Variants in PRKG1 observed in about 807,000 individuals in gnomAD.
PRKG1 encodes the protein protein kinase cGMP-dependent 1.
PRKG1 carries 35 observed loss-of-function variants against 88.1 expected under a neutral mutation model. The observed-to-expected ratio is 0.40, with a 90% CI of 0.30 to 0.53. The LOEUF (loss-of-function observed/expected upper bound fraction) is 0.53. Among genes scored for constraint, PRKG1 ranks in the 20% least tolerant of loss-of-function variants. The pLI is 0.59. For synonymous variants in PRKG1, 303 were observed against 292.5 expected (o/e 1.04, Z -0.37); for missense variants, 540 against 839.8 (o/e 0.64, Z 4.41).
At chr10:51,098,019 T>G (rs138688419) in intron 1 of PRKG1, among the ~76,000 whole-genome samples, 5 of 152,256 alleles carry the variant, frequency 3.3e-5, no homozygotes, top group African/African-American at 7.2e-5. Context: ...CTCTGACTTG[T>G]GTTGAAGTTC....
intron 7 of PRKG1, among the ~76,000 whole-genome samples, chr10:52,113,334 CT>C (rs1847609984): frequency 6.6e-6 from 1 of 151,680 alleles, no homozygotes; most frequent in African/African-American, 2.4e-5. Flanking sequence ...TTTAATATGG[CT>C]TCTTACATAT....
intron 2 of PRKG1, among the ~76,000 whole-genome samples, chr10:51,378,768 GA>G (rs1055577629): frequency 3.3e-5 from 5 of 149,350 alleles, no homozygotes; most frequent in Admixed American, 6.7e-5. Flanking sequence ...TTTCTCATCT[GA>G]AAAAAAAATG....
At chr10:51,130,873 C>G (rs918451371) in intron 1 of PRKG1, among the ~76,000 whole-genome samples, 6 of 152,062 alleles carry the variant, frequency 3.9e-5, no homozygotes, top group African/African-American at 1.4e-4. Flanking sequence ...AGCGCCACTG[C>G]ACTCCAGCCT....
chr10:51,781,230 C>CA (rs1276322974), intron 3 of PRKG1, among the ~76,000 whole-genome samples: 1 of 152,002 alleles, frequency 6.6e-6, no homozygotes, highest in African/African-American at 2.4e-5. Flanking sequence ...AAAGCAAAAA[C>CA]AAAAAACAGA....
rs560968160 is a variant in PRKG1 at position 52,034,072 on chromosome 10, G to A, written c.763-20412G>A. ...ACTGGCCATTTACACTTCTTTTGTG[G>A]TGGAATGTCATCAGTTAAGGTGGGG... On this transcript the variant is annotated intron_variant, in intron 5 of 17. Coordinates refer to ENST00000373980, the MANE Select transcript of PRKG1 (RefSeq NM_006258.4). 2.5e-3 allele frequency among the ~76,000 whole-genome samples: 379 copies of A among 151,862 alleles called. 1 individual carries two copies. Among genetic ancestry groups the A allele is most frequent in the Middle Eastern group, 6.8e-3 (2 of 294 alleles).
chr10:51,059,082 T>C (rs924298532), intron 1 of PRKG1, among the ~76,000 whole-genome samples: 2 of 152,220 alleles, frequency 1.3e-5, no homozygotes, highest in African/African-American at 4.8e-5. Flanking sequence ...TAACATAAAA[T>C]TTCTGTATGC....
intron 3 of PRKG1, among the ~76,000 whole-genome samples, chr10:51,508,510 T>C (rs1841294106): frequency 6.6e-6 from 1 of 152,234 alleles, no homozygotes; most frequent in Middle Eastern, 3.4e-3. Context: ...TGCCTTGAAA[T>C]ATTTTTTAAA....
intron 4 of PRKG1, among the ~76,000 whole-genome samples, chr10:51,831,514 A>G (rs1456659973): frequency 6.6e-6 from 1 of 152,200 alleles, no homozygotes; most frequent in Non-Finnish European, 1.5e-5. Context: ...CAAAAGCAAG[A>G]AAGAATAAAA....
At chr10:51,699,067 C>A in intron 3 of PRKG1, 1 of 1,614,236 alleles carries the variant, frequency 6.2e-7, no homozygotes, top group East Asian at 2.2e-5. Flanking sequence ...TTTGAAGTAA[C>A]ATGTTTCGAG....
chr10:51,913,173 C>T (rs1193401721), intron 5 of PRKG1, among the ~76,000 whole-genome samples: 1 of 152,166 alleles, frequency 6.6e-6, no homozygotes, highest in Non-Finnish European at 1.5e-5. Context: ...AGGTGATCCG[C>T]CCGCCTTGGC....
intron 3 of PRKG1, among the ~76,000 whole-genome samples, chr10:51,551,152 A>T (rs1837119899): frequency 6.6e-6 from 1 of 151,874 alleles, no homozygotes; most frequent in Non-Finnish European, 1.5e-5. Flanking sequence ...CATAATGGGT[A>T]TTTAACTTGC....
chr10:51,273,802 A>C (rs982414359), intron 2 of PRKG1, among the ~76,000 whole-genome samples: 1 of 152,206 alleles, frequency 6.6e-6, no homozygotes, highest in Admixed American at 6.5e-5. Flanking sequence ...CATACACCAC[A>C]GTTCCCCATC....
At chr10:52,065,209 T>C (rs1241496724) in intron 7 of PRKG1, among the ~76,000 whole-genome samples, 2 of 152,174 alleles carry the variant, frequency 1.3e-5, no homozygotes, top group Non-Finnish European at 2.9e-5. Flanking sequence ...ATCTCAGTTA[T>C]CATTAAATAT....
chr10:51,636,720 C>T (rs1337462360), intron 3 of PRKG1, among the ~76,000 whole-genome samples: 1 of 152,148 alleles, frequency 6.6e-6, no homozygotes, highest in African/African-American at 2.4e-5. Flanking sequence ...ACGTAAAGAT[C>T]TATTTGGCTC....
intron 14 of PRKG1, among the ~76,000 whole-genome samples, chr10:52,286,267 T>C (rs1441739984): frequency 6.6e-6 from 1 of 152,036 alleles, no homozygotes; most frequent in Admixed American, 6.6e-5. Context: ...GCATCTTTAA[T>C]GCCAAAAGAT....
chr10:51,392,464 A>T (rs531297743), intron 2 of PRKG1, among the ~76,000 whole-genome samples: 1 of 152,348 alleles, frequency 6.6e-6, no homozygotes, highest in Admixed American at 6.5e-5. Context: ...TCACAGATCC[A>T]CAGGATCCCA....
intron 3 of PRKG1, among the ~76,000 whole-genome samples, chr10:51,652,407 A>C (rs965836340): frequency 6.6e-6 from 1 of 152,056 alleles, no homozygotes; most frequent in Non-Finnish European, 1.5e-5. Flanking sequence ...TAGGGTTAAC[A>C]TCCTCAAACT....
At chr10:51,269,009 A>AT (rs1337505076) in intron 2 of PRKG1, among the ~76,000 whole-genome samples, 2 of 152,120 alleles carry the variant, frequency 1.3e-5, no homozygotes, top group Admixed American at 6.6e-5. Flanking sequence ...TCTTCAAGGA[A>AT]CTCAAAGAAA....
chr10:51,007,136 T>G (rs564636128), intron 1 of PRKG1, among the ~76,000 whole-genome samples: 1 of 151,558 alleles, frequency 6.6e-6, no homozygotes, highest in Non-Finnish European at 1.5e-5. Flanking sequence ...ATGTGGGGGG[T>G]GGGTTTCACC....
Sources: gnomAD v4.1 joint callset for allele counts (sites outside exome capture counted in the v4.1 genomes callset) on GRCh38, gnomAD v4.1.1 for gene constraint, MANE v1.5 for transcripts, NCBI Gene and HGNC (gene_info 2026-07-23, HGNC 2026-07-21) for gene names.